LKAAEAR1: variants seen among roughly 807,000 people sequenced by gnomAD.
LKAAEAR1 encodes the protein protein LKAAEAR1.
A neutral mutation model predicts 16.5 loss-of-function variants in LKAAEAR1; 19 were observed. The ratio of observed to expected loss-of-function variants is 1.15; its 90% CI spans 0.80 to 1.69. The LOEUF (loss-of-function observed/expected upper bound fraction) is 1.69, where lower values mean the gene tolerates loss of function less well. LKAAEAR1 is among the 40% of genes most tolerant of loss of function. LKAAEAR1 has a pLI of 0.00. For synonymous variants in LKAAEAR1, 124 were observed against 152.7 expected (o/e 0.81, Z 1.39); for missense variants, 304 against 315.8 (o/e 0.96, Z 0.28).
chr20:64,083,449 T>C lies in LKAAEAR1; in HGVS notation c.571A>G (p.Ile191Val). 6.2e-7 allele frequency: 1 copy of C among 1,610,494 alleles called. No homozygotes were observed. The highest frequency in any genetic ancestry group is 8.5e-7 in the Non-Finnish European group (1 of 1,179,016). ...CTCAGTCGCCGTCACCGCGGGAAGA[T>C]GGTGCCATCCACGTTCTCCTCCAGG... ...TILEENVDGT[I>V]FPR The change falls in exon 3 of 3, where the codon ATC (isoleucine) becomes GTC (valine). Residue 191 changes from isoleucine to valine, a missense_variant. Ile to Val is a conservative substitution (Grantham distance 29). Transcript: ENST00000302096. This position sits in a 1 kb window ranked among gnomAD's most constrained non-coding sequence, Gnocchi z 4.9.
At chr20:64,084,505 A>C, upstream of LKAAEAR1, 1 of 708,750 alleles carries the variant, frequency 1.4e-6, no homozygotes, top group Non-Finnish European at 1.9e-6. Flanking sequence ...TTCCTACCCG[A>C]TGGACTGTTC....
chr20:64,084,673 G>C (rs1362224300), upstream of LKAAEAR1, among the ~76,000 whole-genome samples: 2 of 152,170 alleles, frequency 1.3e-5, no homozygotes, highest in African/African-American at 4.8e-5. Context: ...CTTGCCCTTC[G>C]AGGCCTAGAT....
Position 64,084,053 on chromosome 20 carries a change from G to A in LKAAEAR1, c.167C>T (p.Pro56Leu). ...LTPQGLAAML[P>L]AQRHRHLLFG... ...GAGCAGATGGCGGTGGCGCTGCGCAGGGAGCATGGCCGCCAGTCCCTGCGG... is the reference window on the plus strand; with the variant it reads ...GAGCAGATGGCGGTGGCGCTGCGCAAGGAGCATGGCCGCCAGTCCCTGCGG... Residue 56 changes from proline to leucine, a missense_variant, in exon 1 of 3, where the codon CCT becomes CTT. Transcript: ENST00000302096. The A allele has an allele frequency of 6.7e-7, 1 of 1,501,924 alleles. No homozygotes were observed. Among genetic ancestry groups the A allele is most frequent in the Non-Finnish European group, 8.8e-7 (1 of 1,135,944 alleles). 93.0% of individuals were successfully genotyped at this position (1,501,924 alleles called of 1,614,324 possible).
chr20:64,084,449 G>T, upstream of LKAAEAR1: 1 of 1,120,196 alleles, frequency 8.9e-7, no homozygotes, highest in Non-Finnish European at 1.1e-6. Context: ...GCTCAGTCCT[G>T]CAGTCAACTA....
chr20:64,083,412 G>A lies in LKAAEAR1; in HGVS notation c.*23C>T. Reference sequence around the variant, plus strand: ...ATAACTTTATGTGGGAGGCTGGGGCGCGTCGCACACTCTCAGTCGCCGTCA... The same window carrying A: ...ATAACTTTATGTGGGAGGCTGGGGCACGTCGCACACTCTCAGTCGCCGTCA... On this transcript the variant is annotated 3_prime_UTR_variant, in exon 3 of 3. Transcript: ENST00000302096. The surrounding 1 kb of genome is among the most constrained non-coding windows in gnomAD (Gnocchi z 4.9). The A allele has an allele frequency of 6.2e-7, 1 of 1,611,840 alleles. No homozygotes were observed. The highest frequency in any genetic ancestry group is 1.1e-5 in the South Asian group (1 of 91,046).
rs747635263 is a variant in LKAAEAR1, at chr20:64,083,581, A to C, written c.525+2T>G. 35 of 1,509,680 alleles carry C rather than the reference A, an allele frequency of 2.3e-5. No individual in the cohort carries two copies. In the African/African-American group the frequency reaches 4.9e-4, roughly 21 times the overall value. The allele number at this position is 1,509,680 out of a possible 1,614,324, so 93.5% of individuals were successfully genotyped here. On this transcript the variant is annotated splice_donor_variant, in intron 2 of 2. Transcript: ENST00000302096. LOFTEE classifies it high-confidence loss of function. The surrounding 1 kb of genome is among the most constrained non-coding windows in gnomAD (Gnocchi z 4.9). The stretch of plus-strand genomic sequence containing the variant: ...CCCGCCCCTACCGGGGCTTGTCTGC[A>C]CCTCTTGGCGGTCCAGGGGGTCCGG...
At chr20:64,084,713 G>A (rs751434591), upstream of LKAAEAR1, among the ~76,000 whole-genome samples, 2 of 152,186 alleles carry the variant, frequency 1.3e-5, no homozygotes, top group Non-Finnish European at 2.9e-5. Context: ...TAGAGGGCAG[G>A]TGACAGAGGA....
At position 64,083,786 on chromosome 20, in the gene LKAAEAR1, GC is replaced by G. The variant is rs1413866914; in HGVS notation, c.402+31del. On this transcript the variant is annotated intron_variant, in intron 1 of 2. Coordinates refer to ENST00000302096, the MANE Select transcript of LKAAEAR1 (RefSeq NM_001353425.2). This position sits in a 1 kb window ranked among gnomAD's most constrained non-coding sequence, Gnocchi z 4.9. The stretch of plus-strand genomic sequence containing the variant: ...CGGCTCCGCTCAACGCTCCCGGTGC[GC>G]CCCCTCTGCCCTCCGACCCCCTCGC... The G allele has an allele frequency of 3.0e-6, 4 of 1,331,914 alleles. No homozygotes were observed. The highest frequency in any genetic ancestry group is 3.8e-6 in the Non-Finnish European group (4 of 1,046,762). The allele number at this position is 1,331,914 out of a possible 1,614,324, so 82.5% of individuals were successfully genotyped here.
chr20:64,084,462 A>T (rs971482012), upstream of LKAAEAR1: 9 of 1,034,414 alleles, frequency 8.7e-6, no homozygotes, highest in African/African-American at 1.5e-4. Context: ...GTCAACTAGG[A>T]CTTTCTGATC....
At position 64,084,133 on chromosome 20, in the gene LKAAEAR1, C is replaced by A; in HGVS notation, c.87G>T (p.Glu29Asp). 17 of 1,467,478 alleles carry A rather than the reference C, an allele frequency of 1.2e-5. No homozygotes were observed. Among genetic ancestry groups the A allele is most frequent in the Non-Finnish European group, 1.5e-5 (17 of 1,117,786 alleles). The allele number at this position is 1,467,478 out of a possible 1,614,324, so 90.9% of individuals were successfully genotyped here. ...KSAPGTAQGE[E>D]RAKGAPATEP... ...CTGTCGCGGGCGCCCCCTTGGCACG[C>A]TCCTCACCCTGCGCCGTGCCTGGCG... is the stretch of plus-strand genomic sequence containing the variant. The change falls in exon 1 of 3, where the codon GAG becomes GAT. Residue 29 changes from glutamate (E) to aspartate (D), a missense_variant. Physicochemically the swap from Glu to Asp is conservative, Grantham distance 45. Coordinates refer to ENST00000302096, the MANE Select transcript of LKAAEAR1 (RefSeq NM_001353425.2).
chr20:64,084,226 G>A lies in LKAAEAR1; in HGVS notation c.-7C>T. ...CCTTCGCTGGCGGCGGCATCCTCCC[G>A]CCCTGCGGAGGGAGGAGGGCGTCCC... On this transcript the variant is annotated 5_prime_UTR_variant, in exon 1 of 3. Transcript: ENST00000302096. The A allele has an allele frequency of 4.3e-6, 6 of 1,386,832 alleles. No individual in the cohort carries two copies. Among genetic ancestry groups the A allele is most frequent in the Non-Finnish European group, 5.6e-6 (6 of 1,078,024 alleles). The allele number at this position is 1,386,832 out of a possible 1,614,324, so 85.9% of individuals were successfully genotyped here. A position where few individuals can be genotyped will look rare whatever the true frequency, so the allele number is the denominator to read the frequency against.
In LKAAEAR1 at chr20:64,084,337, G is replaced by T. The variant is rs1342701193; in HGVS notation, c.-118C>A. 19 of 1,288,554 alleles carry T rather than the reference G, an allele frequency of 1.5e-5. No homozygotes were observed. The highest frequency in any genetic ancestry group is 1.9e-5 in the Non-Finnish European group (19 of 1,020,682). 79.8% of individuals were successfully genotyped at this position (1,288,554 alleles called of 1,614,324 possible). A position where few individuals can be genotyped will look rare whatever the true frequency, so the allele number is the denominator to read the frequency against. Reference sequence around the variant, plus strand: ...CCAGCTCCCGCCCGCTGGGCTCTCCGCAGTCGGTTTTGAGTTCCGCACCCC... The same window carrying T: ...CCAGCTCCCGCCCGCTGGGCTCTCCTCAGTCGGTTTTGAGTTCCGCACCCC... On this transcript the variant is annotated 5_prime_UTR_variant, in exon 1 of 3. Coordinates refer to ENST00000302096, the MANE Select transcript of LKAAEAR1 (RefSeq NM_001353425.2).
rs752880694 is a variant in LKAAEAR1, at chr20:64,083,454, C to T, written c.566G>A (p.Gly189Asp). 6.2e-7 allele frequency: 1 copy of T among 1,609,806 alleles called. No homozygotes were observed. Among genetic ancestry groups the T allele is most frequent in the Non-Finnish European group, 8.5e-7 (1 of 1,178,718 alleles). ...VETILEENVD[G>D]TIFPR ...TCGCCGTCACCGCGGGAAGATGGTG[C>T]CATCCACGTTCTCCTCCAGGATGGT... Residue 189 changes from glycine (G) to aspartate (D), a missense_variant, in exon 3 of 3, where the codon GGC (glycine) becomes GAC (aspartate). Physicochemically the swap from Gly to Asp is moderately conservative, Grantham distance 94. Transcript: ENST00000302096. This position sits in a 1 kb window ranked among gnomAD's most constrained non-coding sequence, Gnocchi z 4.9.
Position 64,083,819 on chromosome 20 carries a change from C to A in LKAAEAR1, c.401G>T (p.Arg134Leu), listed in dbSNP as rs1013714559. ...TGCCCTCCGACCCCCTCGCCTCACC[C>A]GCATGCGGGTGTAGCGCAGCCGCAG... ...RALRLRYTRM[R>L]AEEIALLIQR... Residue 134 changes from arginine to leucine, a missense_variant and splice_region_variant, in exon 1 of 3, where the codon CGG (arginine) becomes CTG (leucine). Transcript: ENST00000302096. The surrounding 1 kb of genome is among the most constrained non-coding windows in gnomAD (Gnocchi z 4.9). 3 of 1,360,028 alleles carry A rather than the reference C, an allele frequency of 2.2e-6. No individual in the cohort carries two copies. The highest frequency in any genetic ancestry group is 3.5e-5 in the South Asian group (2 of 57,598). The allele number at this position is 1,360,028 out of a possible 1,614,324, so 84.2% of individuals were successfully genotyped here.
rs1295780936 is a variant in LKAAEAR1, at chr20:64,084,044, C to T, written c.176G>A (p.Arg59His). Residue 59 changes from arginine to histidine, a missense_variant, in exon 1 of 3, where the codon CGC (arginine) becomes CAC (histidine). Transcript: ENST00000302096. ...QGLAAMLPAQ[R>H]HRHLLFGDLL... ...GTCGCCGAAGAGCAGATGGCGGTGG[C>T]GCTGCGCAGGGAGCATGGCCGCCAG... is the stretch of plus-strand genomic sequence containing the variant. 7 of 1,502,002 alleles carry T rather than the reference C, an allele frequency of 4.7e-6. No homozygotes were observed. In the African/African-American group the frequency reaches 5.8e-5, roughly 12 times the overall value. 93.0% of individuals were successfully genotyped at this position (1,502,002 alleles called of 1,614,324 possible).
At position 64,083,499 on chromosome 20, in the gene LKAAEAR1, C is replaced by T; in HGVS notation, c.526-5G>A. 2 of 1,587,212 alleles carry T rather than the reference C, an allele frequency of 1.3e-6. No individual in the cohort carries two copies. The highest frequency in any genetic ancestry group is 1.1e-5 in the South Asian group (1 of 88,598). On this transcript the variant is annotated splice_polypyrimidine_tract_variant and splice_region_variant and intron_variant, in intron 2 of 2. Coordinates refer to ENST00000302096, the MANE Select transcript of LKAAEAR1 (RefSeq NM_001353425.2). This position sits in a 1 kb window ranked among gnomAD's most constrained non-coding sequence, Gnocchi z 4.9. ...GATGGTCTCCACGCGCCTCCGCTGC[C>T]GGGGAGAGAGGCTGGGGTCCGGCGT...
Position 64,084,321 on chromosome 20 carries a change from G to T in LKAAEAR1, c.-102C>A. 7.7e-7 allele frequency: 1 copy of T among 1,290,714 alleles called. No individual in the cohort carries two copies. Among genetic ancestry groups the T allele is most frequent in the African/African-American group, 1.6e-5 (1 of 64,266 alleles). 80.0% of individuals were successfully genotyped at this position (1,290,714 alleles called of 1,614,324 possible). On this transcript the variant is annotated 5_prime_UTR_variant, in exon 1 of 3. Transcript: ENST00000302096. ...GGCCCCAACGTGCGCCCCAGCTCCC[G>T]CCCGCTGGGCTCTCCGCAGTCGGTT...
chr20:64,083,564 T>C lies in LKAAEAR1; in HGVS notation c.525+19A>G, dbSNP rs746318331. The C allele has an allele frequency of 1.6e-5, 25 of 1,525,486 alleles. No homozygotes were observed. The highest frequency in any genetic ancestry group is 2.1e-5 in the Admixed American group (1 of 47,272). 94.5% of individuals were successfully genotyped at this position (1,525,486 alleles called of 1,614,324 possible). A position where few individuals can be genotyped will look rare whatever the true frequency, so the allele number is the denominator to read the frequency against. ...AGGGCCCCTCCCCTTTCCCCGCCCC[T>C]ACCGGGGCTTGTCTGCACCTCTTGG... On this transcript the variant is annotated intron_variant, in intron 2 of 2. Coordinates refer to ENST00000302096, the MANE Select transcript of LKAAEAR1 (RefSeq NM_001353425.2). The surrounding 1 kb of genome is among the most constrained non-coding windows in gnomAD (Gnocchi z 4.9).
In LKAAEAR1 at chr20:64,084,210, G is replaced by A. The variant is rs2060014590; in HGVS notation, c.10C>T (p.Pro4Ser). 1.4e-6 allele frequency: 2 copies of A among 1,417,950 alleles called. No individual in the cohort carries two copies. Among genetic ancestry groups the A allele is most frequent in the Admixed American group, 3.1e-5 (1 of 32,166 alleles). 87.8% of individuals were successfully genotyped at this position (1,417,950 alleles called of 1,614,324 possible). A position where few individuals can be genotyped will look rare whatever the true frequency, so the allele number is the denominator to read the frequency against. Residue 4 changes from proline to serine, a missense_variant, in exon 1 of 3, where the codon CCA becomes TCA. Pro to Ser is a moderately conservative substitution (Grantham distance 74). Coordinates refer to ENST00000302096, the MANE Select transcript of LKAAEAR1 (RefSeq NM_001353425.2). ...CCCTTGCGCCCGCCCTCCTTCGCTG[G>A]CGGCGGCATCCTCCCGCCCTGCGGA... MPP[P>S]AKEGGRKGPR...
Sources: gnomAD v4.1 joint callset for allele counts (sites outside exome capture counted in the v4.1 genomes callset) on GRCh38, gnomAD v4.1.1 for gene constraint, Gnocchi (gnomAD v3.1) non-coding constraint, MANE v1.5 for transcripts, NCBI Gene and HGNC (gene_info 2026-07-23, HGNC 2026-07-21) for gene names.